The following PINX1 variants were observed in gnomAD, a reference collection of about 807,000 sequenced individuals.
The protein encoded by PINX1 is PIN2/TERF1-interacting telomerase inhibitor 1.
In PINX1, 34 loss-of-function variants were observed where a neutral mutation model predicts 25.4. The observed-to-expected ratio is 1.34, with a 90% CI of 1.02 to 1.78. The LOEUF is 1.78. Among genes scored for constraint, PINX1 ranks in the 40% most tolerant of loss-of-function variants. PINX1 has a pLI of 0.00. For missense variants in PINX1, 592 were observed against 404.9 expected (o/e 1.46, Z -3.97); for synonymous variants, 197 against 147.7 (o/e 1.33, Z -2.42).
chr8:10,770,920 T>A lies in PINX1; in HGVS notation c.472-5004A>T, dbSNP rs188935655. On this transcript the variant is annotated intron_variant, in intron 6 of 6. Transcript: ENST00000314787. ...CACGGAGGTCATGCTGCAACAGTAATCCTTCAATGAACTTTGTTAACAAAG... is the reference window on the plus strand; with the variant it reads ...CACGGAGGTCATGCTGCAACAGTAAACCTTCAATGAACTTTGTTAACAAAG... Among the ~76,000 whole-genome samples the A allele has an allele frequency of 4.9e-4, 74 of 152,272 alleles. No individual in the cohort carries two copies. The South Asian group carries it at 6.4e-3, about 13-fold the overall frequency.
chr8:10,772,745 A>G (rs1801267830), intron 6 of PINX1, among the ~76,000 whole-genome samples: 1 of 152,190 alleles, frequency 6.6e-6, no homozygotes, highest in African/African-American at 2.4e-5. Flanking sequence ...GCAAAGATAC[A>G]ATAACAGAAT....
intron 2 of PINX1, chr8:10,834,456 G>T: frequency 1.5e-6 from 1 of 657,688 alleles, no homozygotes; most frequent in Non-Finnish European, 2.5e-6. Flanking sequence ...TATGAAAGAT[G>T]CTAAGCATGG....
Position 10,826,095 on chromosome 8 carries a change from G to A in PINX1, c.394+57C>T, listed in dbSNP as rs1465638703. The A allele has an allele frequency of 1.1e-5, 10 of 939,570 alleles. No individual in the cohort carries two copies. The East Asian group carries it at 2.5e-4, about 23-fold the overall frequency. The allele number at this position is 939,570 out of a possible 1,614,324, so 58.2% of individuals were successfully genotyped here. A position where few individuals can be genotyped will look rare whatever the true frequency, so the allele number is the denominator to read the frequency against. ...TTGGCCCAGAGCTAAAATGCTTCAA[G>A]CAACTCAGGACAAACACGTAGATTT... On this transcript the variant is annotated intron_variant, in intron 5 of 6. Coordinates refer to ENST00000314787, the MANE Select transcript of PINX1 (RefSeq NM_017884.6).
At chr8:10,774,145 A>G (rs1378786771) in intron 6 of PINX1, among the ~76,000 whole-genome samples, 2 of 152,230 alleles carry the variant, frequency 1.3e-5, no homozygotes, top group African/African-American at 2.4e-5. Flanking sequence ...TGTCTCTTCC[A>G]TCTTTATTCC....
intron 6 of PINX1, among the ~76,000 whole-genome samples, chr8:10,777,808 C>T (rs562276227): frequency 4.6e-5 from 7 of 152,276 alleles, no homozygotes; most frequent in African/African-American, 7.2e-5. Flanking sequence ...CTGCCTTGTG[C>T]GACTGGCTCC....
At chr8:10,814,475 G>A (rs1370807436) in intron 6 of PINX1, among the ~76,000 whole-genome samples, 1 of 152,230 alleles carries the variant, frequency 6.6e-6, no homozygotes, top group Non-Finnish European at 1.5e-5. Context: ...AGCCACAGCT[G>A]TGAAAAACTA....
At chr8:10,821,802 C>T (rs1797885929) in intron 5 of PINX1, 2 of 152,182 alleles carry the variant, frequency 1.3e-5, no homozygotes, top group African/African-American at 2.4e-5. Context: ...GGAATAGAGA[C>T]ACTCTAGAAA....
At chr8:10,834,462 C>G in intron 2 of PINX1, 1 of 693,504 alleles carries the variant, frequency 1.4e-6, no homozygotes, top group Non-Finnish European at 2.3e-6. Flanking sequence ...AGATGCTAAG[C>G]ATGGCAGCTT....
intron 6 of PINX1, among the ~76,000 whole-genome samples, chr8:10,766,756 G>A (rs982157444): frequency 6.6e-6 from 1 of 152,178 alleles, no homozygotes; most frequent in East Asian, 1.9e-4. Context: ...GGTAATATCT[G>A]CTATAAGAAA....
intron 6 of PINX1, among the ~76,000 whole-genome samples, chr8:10,814,162 C>T (rs1004178887): frequency 1.3e-5 from 2 of 152,150 alleles, no homozygotes; most frequent in South Asian, 2.1e-4. Flanking sequence ...AGGTGCACTC[C>T]AAACCAGTTA....
chr8:10,765,284 G>T lies in PINX1; in HGVS notation c.*117C>A. Reference sequence around the variant, plus strand: ...GCAGGACTCGGCAGCCCATGGGCATGCCACAAGATGCGCCCAGGCGCTCTG... The same window carrying T: ...GCAGGACTCGGCAGCCCATGGGCATTCCACAAGATGCGCCCAGGCGCTCTG... On this transcript the variant is annotated 3_prime_UTR_variant, in exon 7 of 7. Coordinates refer to ENST00000314787, the MANE Select transcript of PINX1 (RefSeq NM_017884.6). The T allele has an allele frequency of 1.0e-6, 1 of 960,640 alleles. No individual in the cohort carries two copies. Among genetic ancestry groups the T allele is most frequent in the Non-Finnish European group, 1.5e-6 (1 of 667,874 alleles). The allele number at this position is 960,640 out of a possible 1,614,324, so 59.5% of individuals were successfully genotyped here. A position where few individuals can be genotyped will look rare whatever the true frequency, so the allele number is the denominator to read the frequency against.
chr8:10,827,431 T>C (rs113426603), intron 4 of PINX1, among the ~76,000 whole-genome samples: 2,942 of 152,164 alleles, frequency 0.019, 37 homozygotes, highest in Middle Eastern at 0.041. Flanking sequence ...GCCTGAAAGG[T>C]TGATCAGAGC....
At chr8:10,772,895 G>C (rs1475824525) in intron 6 of PINX1, among the ~76,000 whole-genome samples, 1 of 151,934 alleles carries the variant, frequency 6.6e-6, no homozygotes, top group Non-Finnish European at 1.5e-5. Flanking sequence ...ACAGAGACTG[G>C]TGAACTATGG....
At chr8:10,766,066 C>T (rs955878615) in intron 6 of PINX1, 150 bp from the exon 7 acceptor site, 37 of 736,268 alleles carry the variant, frequency 5.0e-5, no homozygotes, top group Non-Finnish European at 7.3e-5. Context: ...GGAGACAAGG[C>T]TGAGTGACAC....
chr8:10,794,816 T>C (rs1363815554), intron 6 of PINX1, among the ~76,000 whole-genome samples: 4 of 152,202 alleles, frequency 2.6e-5, no homozygotes, highest in Non-Finnish European at 2.9e-5. Context: ...TGTATGTTTT[T>C]AAGATTCCAT....
Position 10,765,744 on chromosome 8 carries a change from C to G in PINX1, c.644G>C (p.Arg215Thr). 4 of 1,614,000 alleles carry G rather than the reference C, an allele frequency of 2.5e-6. No individual in the cohort carries two copies. Among genetic ancestry groups the G allele is most frequent in the Non-Finnish European group, 3.4e-6 (4 of 1,179,886 alleles). The change falls in exon 7 of 7, where the codon AGA becomes ACA. Residue 215 changes from arginine (R) to threonine (T), a missense_variant. Arg to Thr is a moderately conservative substitution (Grantham distance 71). Coordinates refer to ENST00000314787, the MANE Select transcript of PINX1 (RefSeq NM_017884.6). ...ATCTTTACCTGTGGCCTCTTTATTT[C>G]TTTTCTTCCCCCTTTTACGTTCCAC... Reference protein sequence around the residue: ...TQVERKRGKKRNKEATGKDVE... With the variant: ...TQVERKRGKKTNKEATGKDVE...
chr8:10,780,038 T>G (rs954583141), intron 6 of PINX1, among the ~76,000 whole-genome samples: 2 of 152,204 alleles, frequency 1.3e-5, no homozygotes, highest in Non-Finnish European at 1.5e-5. Context: ...TATCTGTGTA[T>G]AGAGATACCA....
chr8:10,814,330 C>A (rs1008371156), intron 6 of PINX1, among the ~76,000 whole-genome samples: 1 of 152,220 alleles, frequency 6.6e-6, no homozygotes, highest in African/African-American at 2.4e-5. Context: ...GCAAGTACTT[C>A]TGAATAGCCG....
intron 6 of PINX1, among the ~76,000 whole-genome samples, chr8:10,811,025 G>C (rs527240661): frequency 6.6e-6 from 1 of 152,374 alleles, no homozygotes; most frequent in African/African-American, 2.4e-5. Context: ...AACTGTGAGA[G>C]TGTTGGTGCT....
Sources: gnomAD v4.1 joint callset for allele counts (sites outside exome capture counted in the v4.1 genomes callset) on GRCh38, gnomAD v4.1.1 for gene constraint, MANE v1.5 for transcripts, NCBI Gene and HGNC (gene_info 2026-07-23, HGNC 2026-07-21) for gene names.